Variants in SDK1 observed in about 807,000 individuals in gnomAD.
SDK1 encodes the protein sidekick cell adhesion molecule 1.
In SDK1, 157 loss-of-function variants were observed where a neutral mutation model predicts 245.5. The ratio of observed to expected loss-of-function variants is 0.64; its 90% CI spans 0.56 to 0.73. The LOEUF (loss-of-function observed/expected upper bound fraction) is 0.73, where lower values mean the gene tolerates loss of function less well. Ranked by LOEUF, SDK1 falls within the 30% of genes least tolerant of loss-of-function variation. The pLI is 0.00. For missense variants in SDK1, 3,583 were observed against 3,002.3 expected (o/e 1.19, Z -4.52); for synonymous variants, 1,647 against 1,278.5 (o/e 1.29, Z -6.15).
intron 5 of SDK1, among the ~76,000 whole-genome samples, chr7:3,848,388 G>A (rs1013430990): frequency 2.0e-5 from 3 of 152,068 alleles, no homozygotes; most frequent in Non-Finnish European, 1.5e-5. Context: ...TCTTCCTTAC[G>A]TCCTTCAGAT....
intron 1 of SDK1, among the ~76,000 whole-genome samples, chr7:3,581,417 T>C (rs1210936618): frequency 1.3e-5 from 2 of 152,164 alleles, no homozygotes; most frequent in Non-Finnish European, 1.5e-5. Context: ...CACTGATCAC[T>C]AGGGAAATGC....
At chr7:3,994,478 C>CA (rs925997110) in intron 14 of SDK1, among the ~76,000 whole-genome samples, 16 of 151,692 alleles carry the variant, frequency 1.1e-4, no homozygotes, top group African/African-American at 3.6e-4. Context: ...CCCATATCTA[C>CA]AAAAAATTAA....
intron 40 of SDK1, among the ~76,000 whole-genome samples, chr7:4,232,669 G>A (rs1241299070): frequency 6.6e-6 from 1 of 151,354 alleles, no homozygotes; most frequent in African/African-American, 2.4e-5. Context: ...TCCCTGTGTT[G>A]CCCAGGCTGG....
chr7:3,701,097 C>A (rs564881568), intron 4 of SDK1, among the ~76,000 whole-genome samples: 1 of 152,274 alleles, frequency 6.6e-6, no homozygotes, highest in South Asian at 2.1e-4. Flanking sequence ...TTAAAAAAAA[C>A]TCAGAATAAG....
rs1780711911 is a variant in SDK1, at chr7:3,780,899, T to A, written c.714-40551T>A. Among the ~76,000 whole-genome samples the A allele has an allele frequency of 3.3e-5, 5 of 151,620 alleles. No individual in the cohort carries two copies. The South Asian group carries it at 1.0e-3, about 32-fold the overall frequency. On this transcript the variant is annotated intron_variant, in intron 4 of 44. Transcript: ENST00000404826. The stretch of plus-strand genomic sequence containing the variant: ...CACAGATTTCAGAGAAATGAAGGGG[T>A]TAGATCAGCTTTACCTAGGAAGGCA...
At chr7:4,021,345 C>G (rs115726966) in intron 17 of SDK1, among the ~76,000 whole-genome samples, 1 of 152,110 alleles carries the variant, frequency 6.6e-6, no homozygotes, top group Admixed American at 6.6e-5. Flanking sequence ...GCTATGGACA[C>G]GAGGGTTGTG....
Position 3,459,818 on chromosome 7 carries a change from C to G in SDK1, c.298+157934C>G, listed in dbSNP as rs117432683. On this transcript the variant is annotated intron_variant, in intron 1 of 44. Transcript: ENST00000404826. Reference sequence around the variant, plus strand: ...AGGGGCCTTCCCTTCCTCTCCAGTACTGTTTGAACTGATTGGGATTCCTTG... The same window carrying G: ...AGGGGCCTTCCCTTCCTCTCCAGTAGTGTTTGAACTGATTGGGATTCCTTG... 2.2e-3 allele frequency among the ~76,000 whole-genome samples: 340 copies of G among 152,226 alleles called. 1 individual carries two copies. Among genetic ancestry groups the G allele is most frequent in the Admixed American group, 4.6e-3 (70 of 15,284 alleles).
At chr7:4,057,186 C>T (rs974884453) in intron 19 of SDK1, among the ~76,000 whole-genome samples, 1 of 152,184 alleles carries the variant, frequency 6.6e-6, no homozygotes, top group Non-Finnish European at 1.5e-5. Context: ...CTGGGGGTCA[C>T]CCCACCCCAG....
chr7:3,477,601 A>T (rs1781388266), intron 1 of SDK1, among the ~76,000 whole-genome samples: 1 of 151,532 alleles, frequency 6.6e-6, no homozygotes, highest in African/African-American at 2.4e-5. Flanking sequence ...TGCAACCTCA[A>T]ACTCTTGGGC....
At chr7:3,573,607 A>C (rs1245016590) in intron 1 of SDK1, among the ~76,000 whole-genome samples, 1 of 152,074 alleles carries the variant, frequency 6.6e-6, no homozygotes, top group Non-Finnish European at 1.5e-5. Flanking sequence ...CACTTCTTCC[A>C]GAGCCAGCCT....
At chr7:4,254,014 G>A (rs920783633) in intron 44 of SDK1, among the ~76,000 whole-genome samples, 3 of 151,900 alleles carry the variant, frequency 2.0e-5, no homozygotes, top group Non-Finnish European at 4.4e-5. Flanking sequence ...TCTTACTCTA[G>A]TATTATTATC....
chr7:3,886,379 G>C (rs1442005476), intron 5 of SDK1, among the ~76,000 whole-genome samples: 1 of 152,228 alleles, frequency 6.6e-6, no homozygotes, highest in African/African-American at 2.4e-5. Flanking sequence ...GAGGACACAG[G>C]CAGCAGCAGC....
chr7:3,640,987 A>AT lies in SDK1; in HGVS notation c.566-959dup, dbSNP rs397942465. Among the ~76,000 whole-genome samples the AT allele has an allele frequency of 8.0e-3, 1,171 of 146,570 alleles. 8 individuals carry two copies. Among genetic ancestry groups the AT allele is most frequent in the African/African-American group, 0.021 (824 of 40,124 alleles). ...GTGAGCCACTGTGCTCTGCGTTTAG[A>AT]TTTTTTTTTTTTAATCTTTCTTTTC... On this transcript the variant is annotated intron_variant, in intron 3 of 44. Transcript: ENST00000404826.
chr7:3,937,081 G>A lies in SDK1; in HGVS notation c.848-13842G>A, dbSNP rs1243105310. ...TCAAGAATACTGTCCGTGCAGTGGC[G>A]TGTGCCCCAGGAGCACGGCAGTTCT... On this transcript the variant is annotated intron_variant, in intron 5 of 44. Coordinates refer to ENST00000404826, the MANE Select transcript of SDK1 (RefSeq NM_152744.4). 3.3e-5 allele frequency among the ~76,000 whole-genome samples: 5 copies of A among 152,210 alleles called. No individual in the cohort carries two copies. In the South Asian group the frequency reaches 6.2e-4, roughly 19 times the overall value.
chr7:3,795,153 C>T (rs777347596), intron 4 of SDK1, among the ~76,000 whole-genome samples: 1 of 152,104 alleles, frequency 6.6e-6, no homozygotes, highest in African/African-American at 2.4e-5. Context: ...ACTCTAAAAT[C>T]TTTTAACCAC....
chr7:3,379,727 T>C (rs1244877138), intron 1 of SDK1, among the ~76,000 whole-genome samples: 2 of 152,250 alleles, frequency 1.3e-5, no homozygotes, highest in African/African-American at 4.8e-5. Flanking sequence ...ATTTATGTAC[T>C]GTATGTGAAA....
chr7:3,580,580 T>A (rs1269941200), intron 1 of SDK1, among the ~76,000 whole-genome samples: 3 of 152,104 alleles, frequency 2.0e-5, no homozygotes, highest in African/African-American at 7.2e-5. Flanking sequence ...CTGGGATAAC[T>A]GACTAGGCAT....
intron 4 of SDK1, among the ~76,000 whole-genome samples, chr7:3,686,207 C>T (rs1405459927): frequency 6.6e-6 from 1 of 152,194 alleles, no homozygotes; most frequent in Non-Finnish European, 1.5e-5. Context: ...TCCCGAGTAG[C>T]TGGGATTACA....
chr7:4,168,248 T>A lies in SDK1; in HGVS notation c.4801-5974T>A, dbSNP rs558365933. 2.0e-5 allele frequency among the ~76,000 whole-genome samples: 3 copies of A among 152,322 alleles called. No individual in the cohort carries two copies. In the South Asian group the frequency reaches 6.2e-4, roughly 32 times the overall value. On this transcript the variant is annotated intron_variant, in intron 32 of 44. Coordinates refer to ENST00000404826, the MANE Select transcript of SDK1 (RefSeq NM_152744.4). ...CCCCTCCCCAGGCCTGGAAGACTCC[T>A]GCCAGGAGCGGATGCATTTTGACTC...
Sources: gnomAD v4.1 joint callset for allele counts (sites outside exome capture counted in the v4.1 genomes callset) on GRCh38, gnomAD v4.1.1 for gene constraint, MANE v1.5 for transcripts, NCBI Gene and HGNC (gene_info 2026-07-23, HGNC 2026-07-21) for gene names.